Variants in GLP1R observed in about 807,000 individuals in gnomAD.
GLP1R encodes glucagon-like peptide 1 receptor.
A neutral mutation model predicts 68.4 loss-of-function variants in GLP1R; 32 were observed. The observed-to-expected ratio is 0.47, with a 90% CI of 0.35 to 0.63. The LOEUF (loss-of-function observed/expected upper bound fraction) is 0.63. Among genes scored for constraint, GLP1R ranks in the 20% least tolerant of loss-of-function variants. The probability of loss-of-function intolerance (pLI) is 0.00; values close to 1 mark genes in which losing one functional copy is unlikely to be tolerated. For synonymous variants in GLP1R, 263 were observed against 244.4 expected (o/e 1.08, Z -0.71); for missense variants, 502 against 594.9 (o/e 0.84, Z 1.62).
chr6:39,079,107 C>T lies in GLP1R; in HGVS notation c.955-5C>T, dbSNP rs200682417. The stretch of plus-strand genomic sequence containing the variant: ...CCCCTGCCAATCCCCGGCCCCACCC[C>T]GCAGGTGAACTTCCTCATCTTTGTT... On this transcript the variant is annotated splice_polypyrimidine_tract_variant and splice_region_variant and intron_variant, in intron 9 of 12. Transcript: ENST00000373256. The surrounding 1 kb of genome is among the most constrained non-coding windows in gnomAD (Gnocchi z 4.5). 33 of 1,613,582 alleles carry T rather than the reference C, an allele frequency of 2.0e-5. No individual in the cohort carries two copies. Among genetic ancestry groups the T allele is most frequent in the Middle Eastern group, 1.6e-4 (1 of 6,080 alleles).
chr6:39,085,375 C>T (rs1347052052), intron 12 of GLP1R, among the ~76,000 whole-genome samples: 2 of 152,194 alleles, frequency 1.3e-5, no homozygotes, highest in South Asian at 2.1e-4. Context: ...TGCTGTTTCC[C>T]GTCTCAGCCA....
chr6:39,071,132 G>A (rs554814089), intron 5 of GLP1R, among the ~76,000 whole-genome samples: 1 of 152,088 alleles, frequency 6.6e-6, no homozygotes, highest in African/African-American at 2.4e-5. Flanking sequence ...GGATCACAAG[G>A]TCAGGAGATC....
chr6:39,054,634 G>T (rs1037749572), intron 1 of GLP1R, among the ~76,000 whole-genome samples: 1 of 152,154 alleles, frequency 6.6e-6, no homozygotes, highest in African/African-American at 2.4e-5. Context: ...CCCGCCTCTG[G>T]GAAGAACTGG....
chr6:39,079,551 C>T lies in GLP1R; in HGVS notation c.1044-13C>T. 6.3e-7 allele frequency: 1 copy of T among 1,582,152 alleles called. No homozygotes were observed. Among genetic ancestry groups the T allele is most frequent in the Middle Eastern group, 1.7e-4 (1 of 5,904 alleles). ...GGTCCAGAATGACTCGAGATCTCTG[C>T]CCTGCCCCTCAGACTTGCCAAGTCC... On this transcript the variant is annotated splice_polypyrimidine_tract_variant and intron_variant, in intron 10 of 12. Coordinates refer to ENST00000373256, the MANE Select transcript of GLP1R (RefSeq NM_002062.5). This position sits in a 1 kb window ranked among gnomAD's most constrained non-coding sequence, Gnocchi z 4.5.
intron 1 of GLP1R, 78 bp downstream of exon 1, chr6:39,048,996 GCCCCGGGA>G: frequency 1.7e-6 from 1 of 586,680 alleles, no homozygotes; most frequent in South Asian, 2.8e-5. Flanking sequence ...CTGGTGGAGG[GCCCCGGGA>G]CTTGAACGAA....
intron 12 of GLP1R, among the ~76,000 whole-genome samples, chr6:39,081,289 T>C (rs1432423602): frequency 6.6e-6 from 1 of 152,142 alleles, no homozygotes; most frequent in Non-Finnish European, 1.5e-5. Context: ...AGGTGAAGTG[T>C]GGAAATAGTG....
chr6:39,056,301 T>G, intron 1 of GLP1R, 96 bp from the exon 2 acceptor site: 1 of 648,950 alleles, frequency 1.5e-6, no homozygotes, highest in Admixed American at 2.5e-5. Flanking sequence ...GCTTTGAGGT[T>G]TCATGGAGAT....
intron 4 of GLP1R, 121 bp from the exon 5 acceptor site, chr6:39,066,076 T>G: frequency 1.6e-6 from 1 of 633,790 alleles, no homozygotes; most frequent in East Asian, 2.7e-5. Flanking sequence ...TTTCTTGGTC[T>G]TGGTATCCCC....
intron 3 of GLP1R, among the ~76,000 whole-genome samples, chr6:39,058,130 T>C (rs1030914846): frequency 6.6e-6 from 1 of 152,122 alleles, no homozygotes; most frequent in Non-Finnish European, 1.5e-5. Flanking sequence ...GGAAAGTAAG[T>C]GTCTGAAGAG....
intron 4 of GLP1R, 45 bp from the exon 5 acceptor site, chr6:39,066,152 G>A (rs1437194713): frequency 9.2e-7 from 1 of 1,084,482 alleles, no homozygotes; most frequent in Non-Finnish European, 1.4e-6. Flanking sequence ...GTGGGAAGAG[G>A]GCCATGGGCT....
chr6:39,073,303 T>C (rs1272006269), intron 6 of GLP1R, among the ~76,000 whole-genome samples: 4 of 152,220 alleles, frequency 2.6e-5, no homozygotes, highest in Admixed American at 2.6e-4. Context: ...AGTTTGAATG[T>C]CAGCTCTGTC....
intron 1 of GLP1R, among the ~76,000 whole-genome samples, chr6:39,054,723 A>G (rs1768170345): frequency 6.6e-6 from 1 of 152,046 alleles, no homozygotes. Flanking sequence ...GTCTGCTTTC[A>G]TTCTAGAAAC....
intron 3 of GLP1R, among the ~76,000 whole-genome samples, chr6:39,062,347 C>G (rs1279790307): frequency 6.6e-6 from 1 of 152,246 alleles, no homozygotes; most frequent in Non-Finnish European, 1.5e-5. Context: ...GGGCTATGCC[C>G]TGACCCACCC....
chr6:39,070,824 T>C (rs964489187), intron 5 of GLP1R, among the ~76,000 whole-genome samples: 1 of 152,172 alleles, frequency 6.6e-6, no homozygotes, highest in Admixed American at 6.5e-5. Context: ...ATATTCTGGA[T>C]ACTTATCCAG....
At chr6:39,066,343 T>G (rs1768516069) in intron 5 of GLP1R, 40 bp downstream of exon 5, 1 of 1,070,396 alleles carries the variant, frequency 9.3e-7, no homozygotes, top group Admixed American at 1.7e-5. Context: ...TGCTTCATCC[T>G]AACTCCCCCA....
chr6:39,087,904 G>C lies in GLP1R; in HGVS notation c.*1831G>C, dbSNP rs1348301224. ...TTCCCAAAGGCACCCCTTATTTGCT[G>C]TCTCTTCGTAAGCGTGGGCACCAGT... On this transcript the variant is annotated 3_prime_UTR_variant, in exon 13 of 13. Coordinates refer to ENST00000373256, the MANE Select transcript of GLP1R (RefSeq NM_002062.5). Among the ~76,000 whole-genome samples, 1 of 152,174 alleles carries C rather than the reference G, an allele frequency of 6.6e-6. No individual in the cohort carries two copies. Among genetic ancestry groups the C allele is most frequent in the East Asian group, 1.9e-4 (1 of 5,190 alleles).
intron 12 of GLP1R, among the ~76,000 whole-genome samples, chr6:39,084,303 A>G (rs982978980): frequency 1.3e-5 from 2 of 152,246 alleles, no homozygotes; most frequent in African/African-American, 2.4e-5. Flanking sequence ...CCCAATAAAT[A>G]TGGTGATTTT....
intron 5 of GLP1R, among the ~76,000 whole-genome samples, chr6:39,072,636 G>C (rs920486762): frequency 2.0e-5 from 3 of 152,218 alleles, no homozygotes; most frequent in Non-Finnish European, 4.4e-5. Flanking sequence ...GTGGATGGGA[G>C]GAGGGGGCAG....
intron 3 of GLP1R, among the ~76,000 whole-genome samples, chr6:39,058,602 G>A (rs1022564217): frequency 2.6e-5 from 4 of 151,992 alleles, no homozygotes; most frequent in African/African-American, 9.7e-5. Context: ...CTCATGGCAA[G>A]GAGCTCCCAG....
Sources: gnomAD v4.1 joint callset for allele counts (sites outside exome capture counted in the v4.1 genomes callset) on GRCh38, gnomAD v4.1.1 for gene constraint, Gnocchi (gnomAD v3.1) non-coding constraint, MANE v1.5 for transcripts, NCBI Gene and HGNC (gene_info 2026-07-23, HGNC 2026-07-21) for gene names.